The following DIP2C variants were observed in gnomAD, a reference collection of about 807,000 sequenced individuals.
DIP2C encodes disco-interacting protein 2 homolog C.
DIP2C carries 33 observed loss-of-function variants against 192.4 expected under a neutral mutation model. The ratio of observed to expected loss-of-function variants is 0.17; its 90% CI spans 0.13 to 0.23. DIP2C has a LOEUF of 0.23. Ranked by LOEUF, DIP2C falls within the 10% of genes least tolerant of loss-of-function variation. DIP2C has a pLI of 1.00. For synonymous variants in DIP2C, 979 were observed against 864.1 expected (o/e 1.13, Z -2.33); for missense variants, 1,537 against 2,110.1 (o/e 0.73, Z 5.32).
intron 1 of DIP2C, among the ~76,000 whole-genome samples, chr10:642,667 C>A (rs945476416): frequency 1.6e-4 from 24 of 152,254 alleles, no homozygotes; most frequent in Non-Finnish European, 2.8e-4. Flanking sequence ...CCGCACACCC[C>A]CGTCCCAGGC....
At chr10:441,162 TA>T in intron 3 of DIP2C, 166 bp from the exon 4 acceptor site, 2 of 730,756 alleles carry the variant, frequency 2.7e-6, no homozygotes, top group African/African-American at 3.6e-5. Flanking sequence ...GTAAAGACAT[TA>T]AAATTCATTC....
chr10:408,667 G>C (rs893779482), intron 9 of DIP2C, among the ~76,000 whole-genome samples: 2 of 152,232 alleles, frequency 1.3e-5, no homozygotes, highest in African/African-American at 4.8e-5. Flanking sequence ...AAGAAAACCA[G>C]CTTCTATACC....
Position 283,145 on chromosome 10 carries a change from G to C in DIP2C, c.4294+127C>G, listed in dbSNP as rs1954921925. 3.9e-6 allele frequency: 5 copies of C among 1,286,770 alleles called. No individual in the cohort carries two copies. In the South Asian group the frequency reaches 7.2e-5, roughly 18 times the overall value. The allele number at this position is 1,286,770 out of a possible 1,614,324, so 79.7% of individuals were successfully genotyped here. ...CTTAAACTCGGTTCTTTTCACACTG[G>C]GTTGTAGCTAGCACACGTGCCCTCC... On this transcript the variant is annotated intron_variant, in intron 35 of 36. Coordinates refer to ENST00000280886, the MANE Select transcript of DIP2C (RefSeq NM_014974.3).
intron 34 of DIP2C, among the ~76,000 whole-genome samples, chr10:284,515 C>T (rs888080894): frequency 3.3e-5 from 5 of 152,202 alleles, no homozygotes; most frequent in African/African-American, 9.6e-5. Flanking sequence ...ACAAATACTG[C>T]ACCACCTCAC....
chr10:440,246 G>A (rs757977935), intron 4 of DIP2C, among the ~76,000 whole-genome samples: 6 of 152,168 alleles, frequency 3.9e-5, no homozygotes, highest in Admixed American at 6.5e-5. Flanking sequence ...ATCGGGGTTG[G>A]CACATCTGTG....
chr10:407,969 G>C (rs574275074), intron 9 of DIP2C, among the ~76,000 whole-genome samples: 1 of 152,068 alleles, frequency 6.6e-6, no homozygotes. Flanking sequence ...CCTGTGGTTC[G>C]GGTGCCACAT....
rs1831438874 is a variant in DIP2C, at chr10:689,026, C to G, written c.85+468G>C. Among the ~76,000 whole-genome samples, 1 of 152,156 alleles carries G rather than the reference C, an allele frequency of 6.6e-6. No homozygotes were observed. The highest frequency in any genetic ancestry group is 6.5e-5 in the Admixed American group (1 of 15,282). On this transcript the variant is annotated intron_variant, in intron 1 of 36. Transcript: ENST00000280886. This position sits in a 1 kb window ranked among gnomAD's most constrained non-coding sequence, Gnocchi z 6.1. The stretch of plus-strand genomic sequence containing the variant: ...GCCGAACCCGCCAGCGAGGAGGTGG[C>G]GCGCACCGCGCTGCTGCACCAAGGA...
intron 30 of DIP2C, among the ~76,000 whole-genome samples, chr10:329,230 C>A (rs571423068): frequency 1.7e-4 from 26 of 152,286 alleles, no homozygotes; most frequent in African/African-American, 5.8e-4. Context: ...CATTCTGGTT[C>A]GTTACTGTCT....
chr10:350,313 G>A (rs570781347), intron 24 of DIP2C, among the ~76,000 whole-genome samples: 4 of 152,226 alleles, frequency 2.6e-5, no homozygotes, highest in African/African-American at 4.8e-5. Flanking sequence ...TCTCAAACTC[G>A]TGGCCTCAAG....
intron 1 of DIP2C, among the ~76,000 whole-genome samples, chr10:527,325 C>G (rs1218155415): frequency 6.6e-6 from 1 of 152,190 alleles, no homozygotes; most frequent in African/African-American, 2.4e-5. Context: ...TTGTTCTGCT[C>G]CACACACCTC....
At chr10:463,088 T>C (rs1263030810) in intron 3 of DIP2C, among the ~76,000 whole-genome samples, 2 of 152,158 alleles carry the variant, frequency 1.3e-5, no homozygotes, top group Non-Finnish European at 1.5e-5. Flanking sequence ...CTGGAAGCAT[T>C]ACTTTGAAAA....
chr10:472,738 A>G (rs559533866), intron 2 of DIP2C, among the ~76,000 whole-genome samples, 189 bp from the exon 3 acceptor site: 2 of 152,010 alleles, frequency 1.3e-5, no homozygotes, highest in Admixed American at 1.3e-4. Flanking sequence ...CGCCAGGGAG[A>G]CCCCTCCTGG....
intron 1 of DIP2C, among the ~76,000 whole-genome samples, chr10:504,734 A>G (rs1008216327): frequency 6.6e-6 from 1 of 152,254 alleles, no homozygotes; most frequent in Admixed American, 6.5e-5. Context: ...CTAAGAAAGC[A>G]TAAGGCCTGA....
At chr10:511,214 G>A (rs555351241) in intron 1 of DIP2C, among the ~76,000 whole-genome samples, 1 of 152,198 alleles carries the variant, frequency 6.6e-6, no homozygotes, top group Non-Finnish European at 1.5e-5. Context: ...GAGAGCAGCA[G>A]GTGCCAGCGT....
At chr10:314,387 C>T (rs977564862) in intron 31 of DIP2C, among the ~76,000 whole-genome samples, 40 of 152,302 alleles carry the variant, frequency 2.6e-4, no homozygotes, top group African/African-American at 8.4e-4. Context: ...CTTTCCTGAC[C>T]CCTCTGAAGT....
chr10:456,714 C>T (rs1969331719), intron 3 of DIP2C, among the ~76,000 whole-genome samples: 1 of 152,204 alleles, frequency 6.6e-6, no homozygotes, highest in Non-Finnish European at 1.5e-5. Context: ...ACAGGGCCAT[C>T]TGTGTTCCCT....
At chr10:425,578 T>C (rs932840413) in intron 4 of DIP2C, among the ~76,000 whole-genome samples, 23 of 143,122 alleles carry the variant, frequency 1.6e-4, no homozygotes, top group African/African-American at 5.0e-4. Context: ...TGACCAGCAG[T>C]GACTAATATG....
Position 363,603 on chromosome 10 carries a change from C to A in DIP2C, c.2478-292G>T, listed in dbSNP as rs1019774748. On this transcript the variant is annotated intron_variant, in intron 20 of 36. Transcript: ENST00000280886. This position sits in a 1 kb window ranked among gnomAD's most constrained non-coding sequence, Gnocchi z 5.4. ...CTTTCGGTACAGAGGGGCAAATGCG[C>A]AATGATCAGACCTGCTGAAATTTAG... 4.6e-5 allele frequency among the ~76,000 whole-genome samples: 7 copies of A among 152,150 alleles called. No homozygotes were observed. The highest frequency in any genetic ancestry group is 1.7e-4 in the African/African-American group (7 of 41,428).
intron 1 of DIP2C, among the ~76,000 whole-genome samples, chr10:566,520 CACTT>C (rs1230594545): frequency 2.6e-5 from 4 of 152,350 alleles, no homozygotes; most frequent in Non-Finnish European, 4.4e-5. Flanking sequence ...TAGACTTTGA[CACTT>C]ACACGTTCAG....
Sources: allele counts gnomAD v4.1 joint callset (sites outside exome capture counted in the v4.1 genomes callset), GRCh38; gene constraint gnomAD v4.1.1; non-coding constraint Gnocchi (gnomAD v3.1); transcripts MANE v1.5; gene names NCBI Gene and HGNC (gene_info 2026-07-23, HGNC 2026-07-21).